Variants in PDXDC1 observed in about 807,000 individuals in gnomAD.
PDXDC1 encodes the protein pyridoxal dependent decarboxylase domain containing 1, also known as pyridoxal-dependent decarboxylase domain-containing protein 1.
In PDXDC1, 42 loss-of-function variants were observed where a neutral mutation model predicts 100.1. That is an observed-to-expected ratio of 0.42 (90% confidence interval 0.33 to 0.54). The LOEUF (loss-of-function observed/expected upper bound fraction) is 0.54, where lower values mean the gene tolerates loss of function less well. Among genes scored for constraint, PDXDC1 ranks in the 20% least tolerant of loss-of-function variants. The pLI, the probability that PDXDC1 is intolerant of heterozygous loss-of-function variation, is 0.10. For missense variants in PDXDC1, 636 were observed against 979.2 expected (o/e 0.65, Z 4.68); for synonymous variants, 260 against 371.7 (o/e 0.70, Z 3.46).
At chr16:15,061,560 C>A (rs1382709028) in intron 16 of PDXDC1, 6 of 484,216 alleles carry the variant, frequency 1.2e-5, no homozygotes, top group Non-Finnish European at 1.8e-5. Flanking sequence ...GTAAGGGGAA[C>A]AACAACAACA....
At position 15,127,861 on chromosome 16, in the gene PDXDC1, A is replaced by G. The variant is rs745337802; in HGVS notation, c.1400-11018A>G. ...AAAGAAGCCGCACTGCAGCTCAGCCACCAGCAGGCGCCGGAAGCGCAACAG... is the reference window on the plus strand; with the variant it reads ...AAAGAAGCCGCACTGCAGCTCAGCCGCCAGCAGGCGCCGGAAGCGCAACAG... On this transcript the variant is annotated intron_variant, in intron 16 of 16. Transcript: ENST00000535621. 5.7e-6 allele frequency: 9 copies of G among 1,565,588 alleles called. No individual in the cohort carries two copies. In the East Asian group the frequency reaches 9.5e-5, roughly 17 times the overall value.
At chr16:15,049,908 T>C (rs1319188484) in intron 16 of PDXDC1, among the ~76,000 whole-genome samples, 11 of 152,214 alleles carry the variant, frequency 7.2e-5, no homozygotes, top group Non-Finnish European at 8.8e-5. Context: ...TTTAAAGAGC[T>C]ATAAATGTGC....
intron 16 of PDXDC1, among the ~76,000 whole-genome samples, chr16:15,087,877 G>A (rs1410767016): frequency 2.0e-5 from 3 of 152,170 alleles, no homozygotes; most frequent in African/African-American, 7.2e-5. Context: ...CACTTTGGGA[G>A]GCCGAGGTGG....
chr16:15,012,319 G>T (rs1404448955), intron 8 of PDXDC1, among the ~76,000 whole-genome samples: 1 of 152,156 alleles, frequency 6.6e-6, no homozygotes, highest in Non-Finnish European at 1.5e-5. Context: ...TGGCCAGGCT[G>T]GTCTTGAACT....
chr16:15,067,703 G>A (rs994305713), intron 16 of PDXDC1, among the ~76,000 whole-genome samples: 49 of 151,762 alleles, frequency 3.2e-4, no homozygotes, highest in Non-Finnish European at 4.3e-4. Context: ...AATTTCCAAC[G>A]CCATCAAAGT....
downstream of PDXDC1, chr16:15,038,358 G>GTTGAAAA: frequency 1.5e-6 from 1 of 658,012 alleles, no homozygotes; most frequent in Non-Finnish European, 2.6e-6. Flanking sequence ...TAAGAAAAAA[G>GTTGAAAA]TTGATTGCTT....
intron 1 of PDXDC1, among the ~76,000 whole-genome samples, chr16:14,988,070 C>T (rs1415173538): frequency 6.6e-6 from 1 of 151,768 alleles, no homozygotes; most frequent in Non-Finnish European, 1.5e-5. Context: ...GGCCCCTTCC[C>T]TCCCCACGTG....
intron 16 of PDXDC1, among the ~76,000 whole-genome samples, chr16:15,056,843 A>G (rs978942280): frequency 6.6e-6 from 1 of 152,128 alleles, no homozygotes; most frequent in Non-Finnish European, 1.5e-5. Context: ...TGCTAGCCCC[A>G]CGTACTAAAG....
At chr16:15,058,658 C>T (rs902345450) in intron 16 of PDXDC1, among the ~76,000 whole-genome samples, 7 of 152,042 alleles carry the variant, frequency 4.6e-5, no homozygotes, top group African/African-American at 7.2e-5. Context: ...GCCCAGGAGG[C>T]GGAGGTTGCA....
the PDXDC1 span, among the ~76,000 whole-genome samples, chr16:15,149,432 GAA>G: frequency 6.6e-6 from 1 of 152,224 alleles, no homozygotes; most frequent in Non-Finnish European, 1.5e-5. Context: ...CCAGGGACCA[GAA>G]ATGGGAGCCA....
chr16:15,023,741 G>C (rs978652900), intron 13 of PDXDC1, among the ~76,000 whole-genome samples: 2 of 152,406 alleles, frequency 1.3e-5, no homozygotes, highest in South Asian at 4.1e-4. Context: ...GTTGACCCGA[G>C]TTCTAGCTCA....
chr16:15,104,204 A>T (rs2046675981), intron 16 of PDXDC1: 1 of 988,834 alleles, frequency 1.0e-6, no homozygotes, highest in Non-Finnish European at 1.4e-6. Context: ...TATTTTACAT[A>T]ACCAACCACT....
intron 16 of PDXDC1, chr16:15,132,939 G>A (rs948378754): frequency 7.0e-6 from 11 of 1,575,810 alleles, no homozygotes; most frequent in Non-Finnish European, 9.5e-6. Flanking sequence ...GCCAGCAGAT[G>A]CCCACGACTC....
Position 15,048,008 on chromosome 16 carries a change from G to C in PDXDC1, c.1399+17952G>C. 6.8e-6 allele frequency: 11 copies of C among 1,610,968 alleles called. No individual in the cohort carries two copies. Among genetic ancestry groups the C allele is most frequent in the Non-Finnish European group, 9.3e-6 (11 of 1,177,144 alleles). ...GCTTCCTAACCTACCATCCTTTGGG[G>C]AGGTCACTGCAAGCTCTCTTTGCTG... On this transcript the variant is annotated intron_variant, in intron 16 of 16. Coordinates refer to the PDXDC1 transcript ENST00000535621.
chr16:15,137,323 G>A (rs938637735), intron 16 of PDXDC1: 25 of 1,344,206 alleles, frequency 1.9e-5, no homozygotes, highest in South Asian at 5.0e-5. Flanking sequence ...GCGGGGGGCC[G>A]GAGCAGAGGG....
At chr16:15,040,741 C>T (rs1414653251), downstream of PDXDC1, among the ~76,000 whole-genome samples, 4 of 152,098 alleles carry the variant, frequency 2.6e-5, no homozygotes, top group African/African-American at 7.2e-5. Context: ...GAGAAAAGCA[C>T]GCCGGGCCTG....
At chr16:15,145,877 C>T in the PDXDC1 span, among the ~76,000 whole-genome samples, 1 of 152,252 alleles carries the variant, frequency 6.6e-6, no homozygotes, top group Non-Finnish European at 1.5e-5. Flanking sequence ...TTCCAGGGTG[C>T]TTGGCGGGCT....
chr16:14,987,393 G>A (rs1969615339), intron 1 of PDXDC1, among the ~76,000 whole-genome samples: 1 of 152,300 alleles, frequency 6.6e-6, no homozygotes. Flanking sequence ...GCTCTAAAAT[G>A]TACTATGATT....
At chr16:15,025,319 T>G (rs1039613703) in intron 13 of PDXDC1, 2 of 152,378 alleles carry the variant, frequency 1.3e-5, no homozygotes, top group African/African-American at 4.8e-5. Context: ...TTCTGCCATC[T>G]CCTAGCTGAG....
Sources: gnomAD v4.1 joint callset for allele counts (sites outside exome capture counted in the v4.1 genomes callset) on GRCh38, gnomAD v4.1.1 for gene constraint, MANE v1.5 for transcripts, NCBI Gene and HGNC (gene_info 2026-07-23, HGNC 2026-07-21) for gene names.